PDE6A: variants seen among roughly 807,000 people sequenced by gnomAD.
The protein encoded by PDE6A is phosphodiesterase 6A.
In PDE6A, 84 loss-of-function variants were observed where a neutral mutation model predicts 106.3. The ratio of observed to expected loss-of-function variants is 0.79; its 90% confidence interval spans 0.66 to 0.95. The LOEUF (loss-of-function observed/expected upper bound fraction) is 0.95. Ranked by LOEUF, PDE6A falls within the 40% of genes least tolerant of loss-of-function variation. PDE6A has a pLI of 0.00. For synonymous variants in PDE6A, 394 were observed against 386.6 expected (o/e 1.02, Z -0.23); for missense variants, 1,052 against 1,084.9 (o/e 0.97, Z 0.43).
intron 1 of PDE6A, among the ~76,000 whole-genome samples, chr5:149,938,725 A>G (rs369768358): frequency 2.5e-4 from 38 of 152,294 alleles, no homozygotes; most frequent in East Asian, 1.4e-3. Context: ...TTTAACTAAA[A>G]TATCATTCTT....
intron 4 of PDE6A, among the ~76,000 whole-genome samples, chr5:149,928,227 A>ATTTTTTTTTT: frequency 7.5e-5 from 2 of 26,492 alleles, no homozygotes; most frequent in Admixed American, 3.4e-4. Flanking sequence ...ATATATATAT[A>ATTTTTTTTTT]TATATTTTTT....
In PDE6A at chr5:149,884,783, G is replaced by T. The variant is rs758696476; in HGVS notation, c.1923C>A (p.Asp641Glu). 3 of 1,613,726 alleles carry T rather than the reference G, an allele frequency of 1.9e-6. No homozygotes were observed. Among genetic ancestry groups the T allele is most frequent in the South Asian group, 2.2e-5 (2 of 91,076 alleles). ...AGACCCTTGGCCCTCATCCTACCTCGTCTCTGAGCAGTGTTTTGCCAAACT... is the reference window on the plus strand; with the variant it reads ...AGACCCTTGGCCCTCATCCTACCTCTTCTCTGAGCAGTGTTTTGCCAAACT... ...HLEFGKTLLR[D>E]ESLNIFQNLN... Residue 641 changes from aspartate to glutamate, a missense_variant, in exon 15 of 22, where the codon GAC becomes GAA. Asp to Glu is a conservative substitution (Grantham distance 45). Coordinates refer to ENST00000255266, the MANE Select transcript of PDE6A (RefSeq NM_000440.3).
intron 20 of PDE6A, among the ~76,000 whole-genome samples, chr5:149,864,843 A>G (rs1346798205): frequency 1.3e-5 from 2 of 152,196 alleles, no homozygotes; most frequent in Admixed American, 6.5e-5. Context: ...TTCAGCCATT[A>G]AATCAGGACA....
chr5:149,884,753 C>T (rs775155033), intron 15 of PDE6A, 27 bp downstream of exon 15: 1 of 1,597,618 alleles, frequency 6.3e-7, no homozygotes, highest in South Asian at 1.1e-5. Context: ...GGCCCCGCGG[C>T]CTGTAGACCC....
At position 149,896,557 on chromosome 5, in the gene PDE6A, C is replaced by T; in HGVS notation, c.1474-55G>A. ...GAAACATGAAGTGTTTCTGGGTGCC[C>T]ACCTCCTGTCCAGCCCTGTCCCCAT... On this transcript the variant is annotated intron_variant, in intron 11 of 21. Coordinates refer to ENST00000255266, the MANE Select transcript of PDE6A (RefSeq NM_000440.3). 5.0e-6 allele frequency: 8 copies of T among 1,613,964 alleles called. No homozygotes were observed. In the South Asian group the frequency reaches 7.7e-5, roughly 16 times the overall value.
chr5:149,872,460 G>C (rs1311427971), intron 17 of PDE6A, among the ~76,000 whole-genome samples: 2 of 152,062 alleles, frequency 1.3e-5, no homozygotes, highest in African/African-American at 4.8e-5. Context: ...CTCGTGTGTA[G>C]AGCTCTCAAA....
chr5:149,908,560 T>A (rs1398971895), intron 6 of PDE6A, among the ~76,000 whole-genome samples: 2 of 152,236 alleles, frequency 1.3e-5, no homozygotes, highest in Non-Finnish European at 2.9e-5. Context: ...CTCTACAAAA[T>A]TAATAAAATG....
intron 2 of PDE6A, 119 bp downstream of exon 2, chr5:149,934,447 G>A: frequency 1.0e-6 from 1 of 961,226 alleles, no homozygotes; most frequent in Non-Finnish European, 1.7e-6. Context: ...AACATCAGGT[G>A]AATTCCCTGT....
At chr5:149,864,204 T>C (rs1760242972) in intron 20 of PDE6A, among the ~76,000 whole-genome samples, 1 of 152,002 alleles carries the variant, frequency 6.6e-6, no homozygotes, top group Non-Finnish European at 1.5e-5. Flanking sequence ...GGATACTCAG[T>C]AAATATTTTC....
chr5:149,872,778 A>C (rs1467394665), intron 17 of PDE6A, among the ~76,000 whole-genome samples: 1 of 152,212 alleles, frequency 6.6e-6, no homozygotes, highest in South Asian at 2.1e-4. Flanking sequence ...GATGCTCCAC[A>C]AATGCCTGCG....
intron 4 of PDE6A, among the ~76,000 whole-genome samples, chr5:149,924,117 C>T (rs1753810357): frequency 2.6e-5 from 4 of 152,196 alleles, no homozygotes; most frequent in Admixed American, 2.6e-4. Context: ...GCCCCACAAC[C>T]TGCTGACTGC....
chr5:149,868,244 C>A (rs548484716), intron 17 of PDE6A, 86 bp from the exon 18 acceptor site: 1 of 1,299,144 alleles, frequency 7.7e-7, no homozygotes, highest in Non-Finnish European at 1.1e-6. Context: ...CCTTTCTCCA[C>A]CCCCACTAGT....
intron 7 of PDE6A, among the ~76,000 whole-genome samples, chr5:149,905,834 C>G (rs181844074): frequency 1.2e-3 from 188 of 152,296 alleles, no homozygotes; most frequent in African/African-American, 4.2e-3. Flanking sequence ...TCCCAGGAAG[C>G]TGCTAGAGTT....
chr5:149,931,975 G>T, intron 3 of PDE6A: 2 of 1,295,052 alleles, frequency 1.5e-6, no homozygotes, highest in Non-Finnish European at 2.2e-6. Context: ...ATTTCCAGCT[G>T]TTGAGATAAT....
At chr5:149,879,075 T>C (rs891196019) in intron 17 of PDE6A, among the ~76,000 whole-genome samples, 1 of 152,052 alleles carries the variant, frequency 6.6e-6, no homozygotes, top group Non-Finnish European at 1.5e-5. Flanking sequence ...ATTTATTTAT[T>C]TATCTATCTA....
chr5:149,901,559 A>G (rs1336109264), intron 8 of PDE6A, among the ~76,000 whole-genome samples: 1 of 152,148 alleles, frequency 6.6e-6, no homozygotes, highest in Admixed American at 6.5e-5. Context: ...AAACAAACAA[A>G]AAACAACATT....
At chr5:149,912,542 G>C (rs1055959008) in intron 6 of PDE6A, among the ~76,000 whole-genome samples, 1 of 152,170 alleles carries the variant, frequency 6.6e-6, no homozygotes, top group Admixed American at 6.5e-5. Context: ...TCCAGATGGA[G>C]ATTTTAAGAG....
intron 17 of PDE6A, among the ~76,000 whole-genome samples, chr5:149,869,035 A>G (rs17110652): frequency 0.015 from 2,353 of 152,360 alleles, 58 homozygotes; most frequent in African/African-American, 0.052. Flanking sequence ...GCCTTGCATT[A>G]AGGCTTGGAA....
chr5:149,863,058 G>A lies in PDE6A; in HGVS notation c.2506+61C>T, dbSNP rs1760198124. 3.8e-6 allele frequency: 6 copies of A among 1,592,284 alleles called. No homozygotes were observed. The highest frequency in any genetic ancestry group is 3.3e-5 in the Admixed American group (2 of 59,970). On this transcript the variant is annotated intron_variant, in intron 21 of 21. Coordinates refer to ENST00000255266, the MANE Select transcript of PDE6A (RefSeq NM_000440.3). The surrounding 1 kb of genome is among the most constrained non-coding windows in gnomAD (Gnocchi z 4.7). ...CGTGTAAGAGTCTCTGAGGCAGGAC[G>A]CAGACACTGAGTGCTCAGGGAGTGG... is the stretch of plus-strand genomic sequence containing the variant.
Sources: allele counts gnomAD v4.1 joint callset (sites outside exome capture counted in the v4.1 genomes callset), GRCh38; gene constraint gnomAD v4.1.1; non-coding constraint Gnocchi (gnomAD v3.1); transcripts MANE v1.5; gene names NCBI Gene and HGNC (gene_info 2026-07-23, HGNC 2026-07-21).